NAV2: variants seen among roughly 807,000 people sequenced by gnomAD.
NAV2 encodes the protein helicase, APC down-regulated 1.
In NAV2, 54 loss-of-function variants were observed where a neutral mutation model predicts 223.2. The ratio of observed to expected loss-of-function variants is 0.24; its 90% CI spans 0.19 to 0.30. The LOEUF (loss-of-function observed/expected upper bound fraction) is 0.30. NAV2 is among the 10% of genes least tolerant of loss of function. The pLI is 1.00. For synonymous variants in NAV2, 1,279 were observed against 1,239.3 expected, an observed-to-expected ratio of 1.03 and a Z score of -0.67; for missense variants, 2,806 against 3,147.5, an observed-to-expected ratio of 0.89 and a Z score of 2.60.
intron 1 of NAV2, among the ~76,000 whole-genome samples, chr11:19,486,098 G>A (rs572968042): frequency 6.6e-6 from 1 of 152,222 alleles, no homozygotes; most frequent in South Asian, 2.1e-4. Context: ...TCACCCCACA[G>A]TAGCCCTGAA....
chr11:19,860,929 G>C (rs1401742959), intron 3 of NAV2, among the ~76,000 whole-genome samples: 1 of 151,876 alleles, frequency 6.6e-6, no homozygotes, highest in Non-Finnish European at 1.5e-5. Context: ...CACTCGGCAG[G>C]CTGAGGCAGG....
chr11:19,539,673 C>T (rs899866328), intron 1 of NAV2, among the ~76,000 whole-genome samples: 4 of 152,144 alleles, frequency 2.6e-5, no homozygotes, highest in African/African-American at 9.7e-5. Flanking sequence ...ACAACACAGC[C>T]ATTTGGAAAG....
chr11:19,776,617 T>G (rs1207923056), intron 1 of NAV2, among the ~76,000 whole-genome samples: 3 of 109,656 alleles, frequency 2.7e-5, no homozygotes, highest in Non-Finnish European at 4.0e-5. Context: ...TGGTTAGAGT[T>G]GTGGGGGTCA....
chr11:19,752,619 C>A (rs758839165), intron 1 of NAV2, among the ~76,000 whole-genome samples: 1 of 152,082 alleles, frequency 6.6e-6, no homozygotes, highest in Non-Finnish European at 1.5e-5. Context: ...AACACCTTTT[C>A]ATGTCATTAA....
intron 1 of NAV2, among the ~76,000 whole-genome samples, chr11:19,371,011 T>A (rs544829406): frequency 1.3e-5 from 2 of 152,290 alleles, no homozygotes; most frequent in South Asian, 4.2e-4. Flanking sequence ...CAATTCCCAT[T>A]TTTCAGACAG....
intron 1 of NAV2, among the ~76,000 whole-genome samples, chr11:19,575,750 A>T (rs963569876): frequency 5.3e-5 from 8 of 152,188 alleles, no homozygotes; most frequent in African/African-American, 1.9e-4. Context: ...CCCGATGGCC[A>T]GGGATCCATG....
intron 1 of NAV2, among the ~76,000 whole-genome samples, chr11:19,725,080 A>G (rs1216627263): frequency 3.9e-5 from 6 of 152,234 alleles, no homozygotes; most frequent in African/African-American, 1.4e-4. Flanking sequence ...TTATTTACTG[A>G]GCACTTACTA....
At chr11:19,685,563 C>A (rs529228288) in intron 1 of NAV2, among the ~76,000 whole-genome samples, 2 of 152,204 alleles carry the variant, frequency 1.3e-5, no homozygotes, top group Non-Finnish European at 2.9e-5. Flanking sequence ...CTTCATTCTG[C>A]AAAGATGAAT....
intron 5 of NAV2, among the ~76,000 whole-genome samples, chr11:19,892,151 G>A (rs900309971): frequency 6.6e-6 from 1 of 152,144 alleles, no homozygotes; most frequent in Non-Finnish European, 1.5e-5. Flanking sequence ...CAGAGATGGG[G>A]TTTTGCCATG....
chr11:20,079,657 G>T (rs1320712320), intron 24 of NAV2, among the ~76,000 whole-genome samples: 1 of 152,172 alleles, frequency 6.6e-6, no homozygotes. Flanking sequence ...CCCTAGATGA[G>T]GCAGGCATGG....
At position 19,714,214 on chromosome 11, in the gene NAV2, T is replaced by A. The variant is rs1256673249; in HGVS notation, c.267+252T>A. On this transcript the variant is annotated intron_variant, in intron 1 of 37. Transcript: ENST00000349880. ...GATGGCGGGCACGTCTGCAGCATCT[T>A]CCTGGGGAGGAGGAAAGGTCGGGAT... The A allele has an allele frequency of 5.8e-6, 4 of 689,518 alleles. No individual in the cohort carries two copies. In the African/African-American group the frequency reaches 7.0e-5, roughly 12 times the overall value. The allele number at this position is 689,518 out of a possible 1,614,324, so 42.7% of individuals were successfully genotyped here.
chr11:19,684,602 G>T (rs2048969350), intron 1 of NAV2, among the ~76,000 whole-genome samples: 1 of 152,084 alleles, frequency 6.6e-6, no homozygotes, highest in South Asian at 2.1e-4. Flanking sequence ...TGGAGGCCAA[G>T]CTCCTCTCCA....
chr11:19,626,620 G>A (rs916062440), intron 1 of NAV2, among the ~76,000 whole-genome samples: 3 of 152,186 alleles, frequency 2.0e-5, no homozygotes, highest in Non-Finnish European at 4.4e-5. Flanking sequence ...GCTTTGGGTA[G>A]TATTGTCATT....
At chr11:19,905,057 T>G (rs554889731) in intron 6 of NAV2, among the ~76,000 whole-genome samples, 86 of 152,304 alleles carry the variant, frequency 5.6e-4, no homozygotes, top group African/African-American at 1.8e-3. Flanking sequence ...CCCTTAAAAG[T>G]ATTCATTCAT....
In NAV2 at chr11:19,879,934, C is replaced by G; in HGVS notation, c.577C>G (p.Gln193Glu). The change falls in exon 5 of 38, where the codon CAG (glutamine) becomes GAG (glutamate). Residue 193 changes from glutamine to glutamate, a missense_variant. By Grantham distance (29) the Gln-to-Glu change is conservative (BLOSUM62 2). Coordinates refer to ENST00000349880, the MANE Select transcript of NAV2 (RefSeq NM_145117.5). ...LFFSLSRYKQQQQQPQKQHLS... is the reference protein window; with the variant it reads ...LFFSLSRYKQEQQQPQKQHLS... ...CTTCAGCCTCTCCCGATACAAGCAG[C>G]AGCAGCAGCAGCCCCAGAAGCAGCA... 6.2e-7 allele frequency: 1 copy of G among 1,613,450 alleles called. No homozygotes were observed. Among genetic ancestry groups the G allele is most frequent in the South Asian group, 1.1e-5 (1 of 91,076 alleles).
At chr11:20,023,698 G>GT (rs1491309039) in intron 11 of NAV2, among the ~76,000 whole-genome samples, 26 of 79,614 alleles carry the variant, frequency 3.3e-4, no homozygotes, top group Middle Eastern at 6.0e-3. Context: ...GCAAATTGCT[G>GT]GGTGTGTGTG....
rs189334707 is a variant in NAV2, at chr11:19,430,417, T to C, written c.75+79390T>C. ...CATAGCCTCCTCAGGCTGGGTCCTC[T>C]TGAGACAGTTCAAACCCAGCGACCC... On this transcript the variant is annotated intron_variant, in intron 1 of 37. Transcript: ENST00000360655. 2.8e-3 allele frequency among the ~76,000 whole-genome samples: 433 copies of C among 152,314 alleles called. 5 individuals are homozygous for C. The highest frequency in any genetic ancestry group is 0.026 in the Admixed American group (405 of 15,294).
chr11:19,983,486 T>C (rs2050480453), intron 10 of NAV2, among the ~76,000 whole-genome samples: 1 of 152,224 alleles, frequency 6.6e-6, no homozygotes, highest in Admixed American at 6.5e-5. Flanking sequence ...CTTCCACTTA[T>C]ATAGCCTTAC....
At chr11:19,430,065 G>A (rs1361200476) in intron 1 of NAV2, among the ~76,000 whole-genome samples, 4 of 152,138 alleles carry the variant, frequency 2.6e-5, no homozygotes, top group Non-Finnish European at 1.5e-5. Context: ...TAGAGTTCAG[G>A]GAGCAATGGT....
Sources: gnomAD v4.1 joint callset for allele counts (sites outside exome capture counted in the v4.1 genomes callset) on GRCh38, gnomAD v4.1.1 for gene constraint, MANE v1.5 for transcripts, NCBI Gene and HGNC (gene_info 2026-07-23, HGNC 2026-07-21) for gene names.